GRIK1: variants seen among roughly 807,000 people sequenced by gnomAD.
GRIK1 encodes the protein glutamate ionotropic receptor kainate type subunit 1.
Under a neutral mutation model 105.7 loss-of-function variants are expected in GRIK1, and 69 were observed. The observed-to-expected ratio is 0.65, with a 90% CI of 0.54 to 0.80. GRIK1 has a LOEUF of 0.80. GRIK1 is among the 30% of genes least tolerant of loss of function. GRIK1 has a pLI of 0.00. For missense variants in GRIK1, 1,109 were observed against 1,167.3 expected (o/e 0.95, Z 0.73); for synonymous variants, 438 against 431.3 (o/e 1.02, Z -0.19).
chr21:29,935,467 G>A (rs1246466129), intron 1 of GRIK1, among the ~76,000 whole-genome samples: 1 of 152,092 alleles, frequency 6.6e-6, no homozygotes, highest in African/African-American at 2.4e-5. Context: ...AAAACTAAGT[G>A]CCTAAAAATA....
At chr21:29,891,146 T>A (rs1400189742) in intron 1 of GRIK1, among the ~76,000 whole-genome samples, 1 of 152,294 alleles carries the variant, frequency 6.6e-6, no homozygotes, top group East Asian at 1.9e-4. Flanking sequence ...CATTTTTAGA[T>A]CATTTTGATA....
chr21:29,706,279 T>C (rs2063906783), intron 1 of GRIK1, among the ~76,000 whole-genome samples: 1 of 152,244 alleles, frequency 6.6e-6, no homozygotes, highest in African/African-American at 2.4e-5. Flanking sequence ...TAATAACTTT[T>C]TCATTTACTG....
chr21:29,543,284 G>A (rs1221453601), intron 16 of GRIK1, among the ~76,000 whole-genome samples: 1 of 152,096 alleles, frequency 6.6e-6, no homozygotes, highest in Admixed American at 6.5e-5. Flanking sequence ...AGTTTTTAAG[G>A]AATAGGAACA....
intron 7 of GRIK1, among the ~76,000 whole-genome samples, chr21:29,612,308 C>T (rs1221143776): frequency 1.3e-5 from 2 of 152,134 alleles, no homozygotes; most frequent in Non-Finnish European, 2.9e-5. Context: ...GTTTGTTGAC[C>T]ACTGGATTAA....
At chr21:29,591,259 CT>C (rs780293172) in intron 9 of GRIK1, 34 bp from the exon 10 acceptor site, 111 of 1,252,514 alleles carry the variant, frequency 8.9e-5, no homozygotes, top group Non-Finnish European at 9.4e-5. Context: ...AGGCTGCTGG[CT>C]GTCAGTGTGG....
intron 16 of GRIK1, chr21:29,553,802 C>G (rs565203106): frequency 1.2e-6 from 1 of 854,136 alleles, no homozygotes; most frequent in African/African-American, 1.7e-5. Flanking sequence ...ATGAAGCTGG[C>G]AACTATGAAA....
intron 1 of GRIK1, among the ~76,000 whole-genome samples, chr21:29,911,599 G>A (rs189609474): frequency 9.9e-5 from 15 of 152,176 alleles, no homozygotes; most frequent in South Asian, 2.1e-4. Flanking sequence ...ACCCTAACAC[G>A]CAGTGGGATG....
chr21:29,791,182 T>C (rs971672119), intron 1 of GRIK1, among the ~76,000 whole-genome samples: 3 of 152,106 alleles, frequency 2.0e-5, no homozygotes, highest in African/African-American at 7.2e-5. Flanking sequence ...CCAGAGCCCA[T>C]GGGACTTCGC....
In GRIK1 at chr21:29,663,689, A is replaced by G. The variant is rs567657628; in HGVS notation, c.727-8826T>C. 3.3e-5 allele frequency among the ~76,000 whole-genome samples: 5 copies of G among 152,288 alleles called. No homozygotes were observed. In the East Asian group the frequency reaches 9.6e-4, roughly 29 times the overall value. On this transcript the variant is annotated intron_variant, in intron 4 of 17. Transcript: ENST00000327783. ...TAGACATAATAGATATTTTTGCAATACATGTTATAATGACAGTGGGGACAG... is the reference window on the plus strand; with the variant it reads ...TAGACATAATAGATATTTTTGCAATGCATGTTATAATGACAGTGGGGACAG...
chr21:29,628,886 C>A (rs2062192923), intron 7 of GRIK1, among the ~76,000 whole-genome samples: 1 of 152,078 alleles, frequency 6.6e-6, no homozygotes, highest in South Asian at 2.1e-4. Context: ...GATGGTTTAT[C>A]TATGAAGATG....
chr21:29,601,220 T>A (rs761232442), intron 7 of GRIK1: 6 of 511,152 alleles, frequency 1.2e-5, no homozygotes, highest in Admixed American at 3.9e-5. Flanking sequence ...ACTCTCTGCC[T>A]GACTGACAGC....
intron 1 of GRIK1, among the ~76,000 whole-genome samples, chr21:29,752,084 A>C (rs2065219716): frequency 6.6e-6 from 1 of 152,248 alleles, no homozygotes; most frequent in East Asian, 1.9e-4. Context: ...TCTTCTGAGA[A>C]ATTCATGACG....
At chr21:29,629,651 G>GTCTAGTGAAAACAC in intron 7 of GRIK1, among the ~76,000 whole-genome samples, 1 of 152,116 alleles carries the variant, frequency 6.6e-6, no homozygotes, top group South Asian at 2.1e-4. Flanking sequence ...CACCACGCCC[G>GTCTAGTGAAAACAC]GCTAATTTTT....
At chr21:29,864,382 T>C (rs527735278) in intron 1 of GRIK1, among the ~76,000 whole-genome samples, 1 of 152,296 alleles carries the variant, frequency 6.6e-6, no homozygotes, top group South Asian at 2.1e-4. Flanking sequence ...CCCTACTTTC[T>C]CTGAATTTTG....
At chr21:29,907,964 T>C (rs1013558107) in intron 1 of GRIK1, among the ~76,000 whole-genome samples, 5 of 152,140 alleles carry the variant, frequency 3.3e-5, no homozygotes, top group Admixed American at 6.5e-5. Context: ...CTTCTATTCA[T>C]TTTTAAAAAT....
chr21:29,702,488 G>C (rs1241474437), intron 1 of GRIK1, among the ~76,000 whole-genome samples: 2 of 151,492 alleles, frequency 1.3e-5, no homozygotes, highest in Non-Finnish European at 2.9e-5. Context: ...GAGGCAGATG[G>C]GTCACTTGAG....
intron 9 of GRIK1, among the ~76,000 whole-genome samples, chr21:29,592,796 C>T (rs1475447521): frequency 6.6e-6 from 1 of 152,100 alleles, no homozygotes; most frequent in Non-Finnish European, 1.5e-5. Context: ...CTTACCCTGT[C>T]ATGAAGGAAT....
chr21:29,911,524 A>G (rs185098799), intron 1 of GRIK1, among the ~76,000 whole-genome samples: 1 of 152,166 alleles, frequency 6.6e-6, no homozygotes, highest in East Asian at 1.9e-4. Context: ...TGATATCGTT[A>G]TATTAATATT....
intron 7 of GRIK1, among the ~76,000 whole-genome samples, chr21:29,615,601 G>A (rs1027827637): frequency 4.6e-5 from 7 of 152,202 alleles, no homozygotes; most frequent in South Asian, 2.1e-4. Flanking sequence ...GAGCCACGGC[G>A]CCTGGCCCCA....
Sources: allele counts gnomAD v4.1 joint callset (sites outside exome capture counted in the v4.1 genomes callset), GRCh38; gene constraint gnomAD v4.1.1; transcripts MANE v1.5; gene names NCBI Gene and HGNC (gene_info 2026-07-23, HGNC 2026-07-21).